PTPRD: variants seen among roughly 807,000 people sequenced by gnomAD.
PTPRD encodes the protein receptor-type tyrosine-protein phosphatase delta.
PTPRD carries 34 observed loss-of-function variants against 214.5 expected under a neutral mutation model. The ratio of observed to expected loss-of-function variants is 0.16; its 90% CI spans 0.12 to 0.21. The LOEUF is 0.21. Ranked by LOEUF, PTPRD falls within the 10% of genes least tolerant of loss-of-function variation. The pLI, the probability that PTPRD is intolerant of heterozygous loss-of-function variation, is 1.00. For synonymous variants in PTPRD, 1,128 were observed against 845.7 expected (o/e 1.33, Z -5.79); for missense variants, 2,545 against 2,398.7 (o/e 1.06, Z -1.27).
chr9:10,144,379 C>G (rs1483432800), intron 3 of PTPRD, among the ~76,000 whole-genome samples: 2 of 152,094 alleles, frequency 1.3e-5, no homozygotes, highest in Admixed American at 1.3e-4. Flanking sequence ...TGGTGACACT[C>G]AGGCGGACTT....
chr9:8,844,698 G>T (rs531610239), intron 11 of PTPRD, among the ~76,000 whole-genome samples: 1 of 152,086 alleles, frequency 6.6e-6, no homozygotes, highest in Non-Finnish European at 1.5e-5. Flanking sequence ...ACAAAAAGAT[G>T]GTCCAATAAT....
intron 3 of PTPRD, among the ~76,000 whole-genome samples, chr9:10,258,889 G>A (rs1181068285): frequency 6.6e-6 from 1 of 152,154 alleles, no homozygotes; most frequent in Non-Finnish European, 1.5e-5. Flanking sequence ...ACTGTATGGT[G>A]GAGAATGGAT....
At chr9:9,521,387 G>A (rs570680226) in intron 8 of PTPRD, among the ~76,000 whole-genome samples, 1 of 151,980 alleles carries the variant, frequency 6.6e-6, no homozygotes, top group African/African-American at 2.4e-5. Context: ...TCAGCTACTT[G>A]CTAGTCAACT....
At chr9:10,477,313 G>C (rs958836835) in intron 2 of PTPRD, among the ~76,000 whole-genome samples, 2 of 152,118 alleles carry the variant, frequency 1.3e-5, no homozygotes, top group Non-Finnish European at 2.9e-5. Flanking sequence ...CCATCAAAGA[G>C]TGGGTGAAAT....
At chr9:10,310,609 T>C (rs1420439423) in intron 3 of PTPRD, among the ~76,000 whole-genome samples, 2 of 152,050 alleles carry the variant, frequency 1.3e-5, no homozygotes, top group African/African-American at 2.4e-5. Context: ...AAAGGAATAA[T>C]GGAAATTTGG....
chr9:9,981,561 C>A (rs1036615796), intron 4 of PTPRD, among the ~76,000 whole-genome samples: 1 of 151,646 alleles, frequency 6.6e-6, no homozygotes, highest in African/African-American at 2.4e-5. Flanking sequence ...GGAGTTCCAC[C>A]GTGTTAGCCA....
At chr9:10,165,528 G>A (rs1050491296) in intron 3 of PTPRD, among the ~76,000 whole-genome samples, 3 of 151,648 alleles carry the variant, frequency 2.0e-5, no homozygotes, top group Non-Finnish European at 4.4e-5. Flanking sequence ...TATAACAATG[G>A]CATTCTTATA....
At chr9:8,843,174 A>G (rs1382899245) in intron 11 of PTPRD, among the ~76,000 whole-genome samples, 1 of 152,238 alleles carries the variant, frequency 6.6e-6, no homozygotes, top group Non-Finnish European at 1.5e-5. Flanking sequence ...CTGAGAGGAA[A>G]GGTGGAACTG....
intron 3 of PTPRD, among the ~76,000 whole-genome samples, chr9:10,108,521 A>G (rs1591387943): frequency 6.6e-6 from 1 of 152,160 alleles, no homozygotes; most frequent in African/African-American, 2.4e-5. Context: ...CTCTGCTTCT[A>G]TAAATTTGAA....
chr9:8,493,516 C>A lies in PTPRD; in HGVS notation c.2350-537G>T, dbSNP rs140795018. Among the ~76,000 whole-genome samples, 547 of 152,252 alleles carry A rather than the reference C, an allele frequency of 3.6e-3. 2 individuals are homozygous for A. The highest frequency in any genetic ancestry group is 0.012 in the African/African-American group (496 of 41,548). On this transcript the variant is annotated intron_variant, in intron 26 of 45. Coordinates refer to ENST00000381196, the MANE Select transcript of PTPRD (RefSeq NM_002839.4). Reference sequence around the variant, plus strand: ...GCATAGTCTGTTTTATCACTATAGACGAATTTTGCCAAATGGTTGTTGTTG... The same window carrying A: ...GCATAGTCTGTTTTATCACTATAGAAGAATTTTGCCAAATGGTTGTTGTTG...
chr9:8,970,917 A>AAACAACAAC (rs35075286), intron 11 of PTPRD, among the ~76,000 whole-genome samples: 24,317 of 149,540 alleles, frequency 0.16, 2,333 homozygotes, highest in Non-Finnish European at 0.2. Context: ...AAACAAAACA[A>AAACAACAAC]AACAACAACA....
At chr9:9,308,370 T>C (rs1957802555) in intron 9 of PTPRD, among the ~76,000 whole-genome samples, 1 of 152,190 alleles carries the variant, frequency 6.6e-6, no homozygotes, top group South Asian at 2.1e-4. Flanking sequence ...TGCAAGAATA[T>C]TGCTACAACA....
chr9:10,474,666 A>T (rs916481122), intron 2 of PTPRD, among the ~76,000 whole-genome samples: 12 of 152,252 alleles, frequency 7.9e-5, no homozygotes, highest in African/African-American at 2.9e-4. Context: ...TCTACACACC[A>T]AATCAACAGA....
intron 12 of PTPRD, among the ~76,000 whole-genome samples, chr9:8,728,559 G>A (rs374124856): frequency 2.0e-5 from 3 of 152,214 alleles, no homozygotes; most frequent in South Asian, 2.1e-4. Flanking sequence ...CTACTGAAAT[G>A]TATGCATTTT....
chr9:8,865,693 G>C (rs2098184280), intron 11 of PTPRD, among the ~76,000 whole-genome samples: 1 of 152,054 alleles, frequency 6.6e-6, no homozygotes, highest in Non-Finnish European at 1.5e-5. Context: ...TCTCAAAAAA[G>C]GTCTGCTGCA....
intron 5 of PTPRD, among the ~76,000 whole-genome samples, chr9:9,788,037 G>C (rs2098938682): frequency 6.6e-6 from 1 of 151,380 alleles, no homozygotes; most frequent in Non-Finnish European, 1.5e-5. Flanking sequence ...CCCCACCTCG[G>C]CCTCCCAAAG....
chr9:9,434,203 C>A (rs1209563488), intron 8 of PTPRD, among the ~76,000 whole-genome samples: 1 of 152,088 alleles, frequency 6.6e-6, no homozygotes, highest in Non-Finnish European at 1.5e-5. Context: ...AATGTTTGTA[C>A]AAACAGTGCC....
At chr9:10,362,221 C>A (rs10959075) in intron 2 of PTPRD, among the ~76,000 whole-genome samples, 100,497 of 152,000 alleles carry the variant, frequency 0.66, 34,128 homozygotes, top group African/African-American at 0.73. Context: ...ATTTCACTAC[C>A]ATAACAGTAA....
At chr9:9,190,531 T>A (rs985760354) in intron 9 of PTPRD, among the ~76,000 whole-genome samples, 1 of 152,032 alleles carries the variant, frequency 6.6e-6, no homozygotes, top group African/African-American at 2.4e-5. Context: ...TATGTCTTTA[T>A]CAGCAGTGTG....
Sources: allele counts gnomAD v4.1 joint callset (sites outside exome capture counted in the v4.1 genomes callset), GRCh38; gene constraint gnomAD v4.1.1; transcripts MANE v1.5; gene names NCBI Gene and HGNC (gene_info 2026-07-23, HGNC 2026-07-21).